Variants in BTN3A1 observed in about 807,000 individuals in gnomAD.
The protein encoded by BTN3A1 is dJ45P21.3 (butyrophilin, subfamily 3, member A1).
A neutral mutation model predicts 43.0 loss-of-function variants in BTN3A1; 24 were observed. The observed-to-expected ratio is 0.56, with a 90% confidence interval of 0.40 to 0.78. The LOEUF (loss-of-function observed/expected upper bound fraction) is 0.78. Among genes scored for constraint, BTN3A1 ranks in the 30% least tolerant of loss-of-function variants. The probability of loss-of-function intolerance (pLI) is 0.00; values close to 1 mark genes in which losing one functional copy is unlikely to be tolerated. For missense variants in BTN3A1, 533 were observed against 626.2 expected (o/e 0.85, Z 1.59); for synonymous variants, 181 against 234.7 (o/e 0.77, Z 2.09).
At chr6:26,406,722 T>G (rs1220876266) in intron 3 of BTN3A1, among the ~76,000 whole-genome samples, 2 of 152,184 alleles carry the variant, frequency 1.3e-5, no homozygotes, top group African/African-American at 2.4e-5. Context: ...TGTTTCTTAC[T>G]TGTTGCAGTG....
At position 26,414,040 on chromosome 6, in the gene BTN3A1, G is replaced by A; in HGVS notation, c.*348G>A. The A allele has an allele frequency of 2.9e-6, 1 of 346,060 alleles. No homozygotes were observed. The highest frequency in any genetic ancestry group is 5.5e-6 in the Non-Finnish European group (1 of 182,214). 21.4% of individuals were successfully genotyped at this position (346,060 alleles called of 1,614,324 possible). On this transcript the variant is annotated 3_prime_UTR_variant, in exon 10 of 10. Transcript: ENST00000289361. ...GACATGACTAGTTAACAACACAGCTGGGATCTAAACAGCAATAACTAACAT... is the reference window on the plus strand; with the variant it reads ...GACATGACTAGTTAACAACACAGCTAGGATCTAAACAGCAATAACTAACAT...
chr6:26,402,813 T>C (rs2113779076), intron 1 of BTN3A1, among the ~76,000 whole-genome samples: 1 of 152,314 alleles, frequency 6.6e-6, no homozygotes, highest in Non-Finnish European at 1.5e-5. Flanking sequence ...TGAACCAGCA[T>C]ACATATACAA....
chr6:26,407,196 G>A (rs1191203745), intron 3 of BTN3A1, among the ~76,000 whole-genome samples: 1 of 152,176 alleles, frequency 6.6e-6, no homozygotes, highest in Admixed American at 6.5e-5. Flanking sequence ...CAGATAAAGG[G>A]ACTGCTCTTT....
Position 26,405,407 on chromosome 6 carries a change from C to T in BTN3A1, c.-157C>T. 1 of 661,744 alleles carries T rather than the reference C, an allele frequency of 1.5e-6. No individual in the cohort carries two copies. The highest frequency in any genetic ancestry group is 2.7e-6 in the Non-Finnish European group (1 of 372,334). 41.0% of individuals were successfully genotyped at this position (661,744 alleles called of 1,614,324 possible). ...ATGTTGGGACTCAAAGGTGAAGACA[C>T]TGAAGGACAGAATTTTTGGCAGAGG... On this transcript the variant is annotated 5_prime_UTR_variant, in exon 2 of 10. Coordinates refer to ENST00000289361, the MANE Select transcript of BTN3A1 (RefSeq NM_007048.6).
intron 6 of BTN3A1, 35 bp from the exon 7 acceptor site, chr6:26,409,971 C>T: frequency 1.2e-6 from 2 of 1,614,178 alleles, no homozygotes; most frequent in Non-Finnish European, 1.7e-6. Context: ...GCTTTATGCG[C>T]CTTGATGCAT....
chr6:26,412,475 A>G (rs1386155095), intron 9 of BTN3A1: 1 of 1,533,386 alleles, frequency 6.5e-7, no homozygotes, highest in African/African-American at 1.4e-5. Context: ...GCACTGTCTC[A>G]GGAATCTGCC....
At chr6:26,411,025 A>AAAAAATTT in intron 7 of BTN3A1, 84 bp from the exon 8 acceptor site, 1 of 796,990 alleles carries the variant, frequency 1.3e-6, no homozygotes, top group Non-Finnish European at 2.0e-6. Flanking sequence ...AAAAAAAAAG[A>AAAAAATTT]TTAGATGGAT....
intron 2 of BTN3A1, 111 bp from the exon 3 acceptor site, chr6:26,405,798 G>C (rs1581623481): frequency 1.9e-6 from 3 of 1,594,408 alleles, no homozygotes; most frequent in East Asian, 4.5e-5. Flanking sequence ...GTTAAGATCA[G>C]TTTCCCCCAC....
Position 26,405,918 on chromosome 6 carries a change from C to T in BTN3A1, c.95C>T (p.Ser32Phe), listed in dbSNP as rs761066899. The T allele has an allele frequency of 3.1e-6, 5 of 1,613,622 alleles. No individual in the cohort carries two copies. In the East Asian group the frequency reaches 8.9e-5, roughly 29 times the overall value. Reference protein sequence around the residue: ...QLLMPHSAQFSVLGPSGPILA... With the variant: ...QLLMPHSAQFFVLGPSGPILA... ...CCCCTTGTGCCTACAGCTCAGTTTTCTGTGCTTGGACCCTCTGGGCCCATC... is the reference window on the plus strand; with the variant it reads ...CCCCTTGTGCCTACAGCTCAGTTTTTTGTGCTTGGACCCTCTGGGCCCATC... The change falls in exon 3 of 10, where the codon TCT becomes TTT. Residue 32 changes from serine (S) to phenylalanine (F), a missense_variant. Physicochemically the swap from Ser to Phe is radical, Grantham distance 155 (BLOSUM62 -2). This residue lies in a region of BTN3A1 where 56 missense variants were observed against 67.1 expected (regional missense o/e 0.83). Coordinates refer to ENST00000289361, the MANE Select transcript of BTN3A1 (RefSeq NM_007048.6).
chr6:26,403,603 T>TGA (rs59789875), intron 1 of BTN3A1, among the ~76,000 whole-genome samples: 23,050 of 151,748 alleles, frequency 0.15, 4,664 homozygotes, highest in African/African-American at 0.46. Flanking sequence ...TTAAGGCCCT[T>TGA]TATATATATA....
Position 26,411,547 on chromosome 6 carries a change from C to A in BTN3A1, c.992-8C>A, listed in dbSNP as rs754704911. The A allele has an allele frequency of 6.2e-7, 1 of 1,613,356 alleles. No individual in the cohort carries two copies. Among genetic ancestry groups the A allele is most frequent in the Non-Finnish European group, 8.5e-7 (1 of 1,179,606 alleles). On this transcript the variant is annotated splice_region_variant and splice_polypyrimidine_tract_variant and intron_variant, in intron 8 of 9. Transcript: ENST00000289361. ...ACCTTTTCCTTATCTGTGTCTCCTT[C>A]CTTTCAGAATGGAAAAAGGCCCTCT...
chr6:26,413,933 T>C lies in BTN3A1; in HGVS notation c.*241T>C, dbSNP rs181218819. The C allele has an allele frequency of 6.1e-6, 4 of 653,916 alleles. No individual in the cohort carries two copies. Among genetic ancestry groups the C allele is most frequent in the African/African-American group, 3.6e-5 (2 of 54,842 alleles). 40.5% of individuals were successfully genotyped at this position (653,916 alleles called of 1,614,324 possible). Reference sequence around the variant, plus strand: ...CTCATTCAATTATTCATATGACAGTTGTTTGAGTTTGGTACCATCTTATTT... The same window carrying C: ...CTCATTCAATTATTCATATGACAGTCGTTTGAGTTTGGTACCATCTTATTT... On this transcript the variant is annotated 3_prime_UTR_variant, in exon 10 of 10. Coordinates refer to ENST00000289361, the MANE Select transcript of BTN3A1 (RefSeq NM_007048.6).
Position 26,406,829 on chromosome 6 carries a change from G to T in BTN3A1, c.433+573G>T, listed in dbSNP as rs546065373. On this transcript the variant is annotated intron_variant, in intron 3 of 9. Coordinates refer to ENST00000289361, the MANE Select transcript of BTN3A1 (RefSeq NM_007048.6). Reference sequence around the variant, plus strand: ...AATTTGGGCTTGTGTTAGGGGATTTGGGAGGAGGGTTTATAGACTTTGGCC... The same window carrying T: ...AATTTGGGCTTGTGTTAGGGGATTTTGGAGGAGGGTTTATAGACTTTGGCC... Among the ~76,000 whole-genome samples, 19 of 152,334 alleles carry T rather than the reference G, an allele frequency of 1.2e-4. No individual in the cohort carries two copies. The South Asian group carries it at 3.5e-3, about 28-fold the overall frequency.
In BTN3A1 at chr6:26,414,679, G is replaced by T. The variant is rs977160230; in HGVS notation, c.*987G>T. ...GAAATTTGGATGAAGGGAGCTAGAA[G>T]AAATACAGGGATTTTTTTTTTTTTT... On this transcript the variant is annotated 3_prime_UTR_variant, in exon 10 of 10. Transcript: ENST00000289361. 2.7e-4 allele frequency: 40 copies of T among 147,292 alleles called. No individual in the cohort carries two copies. Among genetic ancestry groups the T allele is most frequent in the African/African-American group, 1.1e-3 (40 of 37,062 alleles). 9.1% of individuals were successfully genotyped at this position (147,292 alleles called of 1,614,324 possible).
chr6:26,405,745 G>T (rs1029765924), intron 2 of BTN3A1, 97 bp downstream of exon 2: 12 of 1,577,510 alleles, frequency 7.6e-6, no homozygotes, highest in African/African-American at 5.4e-5. Flanking sequence ...AGTCCATCCC[G>T]ATCTGAAGGT....
chr6:26,413,545 C>A lies in BTN3A1; in HGVS notation c.1395C>A (p.Asp465Glu), dbSNP rs770673654. Residue 465 changes from aspartate (D) to glutamate (E), a missense_variant, in exon 10 of 10, where the codon GAC (aspartate) becomes GAA (glutamate). Coordinates refer to ENST00000289361, the MANE Select transcript of BTN3A1 (RefSeq NM_007048.6). ...KPPKKVGVFL[D>E]YETGDISFYN... ...CTAAGAAAGTGGGGGTCTTCCTGGA[C>A]TATGAGACTGGAGATATCTCATTCT... 9.9e-6 allele frequency: 16 copies of A among 1,614,182 alleles called. No homozygotes were observed. In the South Asian group the frequency reaches 1.6e-4, roughly 17 times the overall value.
intron 4 of BTN3A1, 102 bp downstream of exon 4, chr6:26,408,054 T>A: frequency 6.5e-7 from 1 of 1,538,984 alleles, no homozygotes; most frequent in East Asian, 2.3e-5. Context: ...CTGCACTGAA[T>A]ATAAGGCCCA....
At position 26,407,878 on chromosome 6, in the gene BTN3A1, C is replaced by T. The variant is rs769608272; in HGVS notation, c.641C>T (p.Ser214Phe). ...VAASVIMRGSSGEGVSCTIRS... is the reference protein window; with the variant it reads ...VAASVIMRGSFGEGVSCTIRS... ...GCATCTGTGATCATGAGAGGCAGCT[C>T]TGGGGAGGGTGTATCCTGTACCATC... The change falls in exon 4 of 10, where the codon TCT becomes TTT. Residue 214 changes from serine (S) to phenylalanine (F), a missense_variant. Coordinates refer to ENST00000289361, the MANE Select transcript of BTN3A1 (RefSeq NM_007048.6). 7 of 1,614,070 alleles carry T rather than the reference C, an allele frequency of 4.3e-6. No homozygotes were observed. The highest frequency in any genetic ancestry group is 1.7e-5 in the Admixed American group (1 of 59,998).
At position 26,402,323 on chromosome 6, in the gene BTN3A1, A is replaced by G. The variant is rs983801708; in HGVS notation, c.-282A>G. The G allele has an allele frequency of 6.6e-6, 1 of 152,208 alleles. No homozygotes were observed. The highest frequency in any genetic ancestry group is 1.5e-5 in the Non-Finnish European group (1 of 68,036). 9.4% of individuals were successfully genotyped at this position (152,208 alleles called of 1,614,324 possible). On this transcript the variant is annotated 5_prime_UTR_variant, in exon 1 of 10. Transcript: ENST00000289361. The stretch of plus-strand genomic sequence containing the variant: ...CTCTGCTTTCTTTTTCCTTTCTTCC[A>G]GAAGGAGATTTAACCATAGTAGAAA...
Sources: allele counts gnomAD v4.1 joint callset (sites outside exome capture counted in the v4.1 genomes callset), GRCh38; gene constraint gnomAD v4.1.1; regional missense constraint gnomAD v4.1.1; transcripts MANE v1.5; gene names NCBI Gene and HGNC (gene_info 2026-07-23, HGNC 2026-07-21).